The following BTBD9 variants were observed in gnomAD, a reference collection of about 807,000 sequenced individuals.
The protein encoded by BTBD9 is BTB domain containing 9.
In BTBD9, 49 loss-of-function variants were observed where a neutral mutation model predicts 64.3. The ratio of observed to expected loss-of-function variants is 0.76; its 90% CI spans 0.61 to 0.97. BTBD9 has a LOEUF of 0.97. Ranked by LOEUF, BTBD9 falls within the 50% of genes least tolerant of loss-of-function variation. The probability of loss-of-function intolerance (pLI) is 0.00; values close to 1 mark genes in which losing one functional copy is unlikely to be tolerated. For synonymous variants in BTBD9, 260 were observed against 274.7 expected (o/e 0.95, Z 0.53); for missense variants, 598 against 762.1 (o/e 0.78, Z 2.53).
intron 6 of BTBD9, among the ~76,000 whole-genome samples, chr6:38,493,429 G>T (rs537310778): frequency 6.6e-6 from 1 of 152,226 alleles, no homozygotes; most frequent in Admixed American, 6.5e-5. Context: ...GAATACTGAG[G>T]TTCTCCCTTT....
chr6:38,424,237 G>T (rs754950116), intron 6 of BTBD9, among the ~76,000 whole-genome samples: 9 of 151,846 alleles, frequency 5.9e-5, no homozygotes, highest in Non-Finnish European at 1.0e-4. Flanking sequence ...TTCCTTTAAA[G>T]AAACTTCAGG....
At chr6:38,380,084 A>G (rs1335775705) in intron 6 of BTBD9, among the ~76,000 whole-genome samples, 3 of 152,190 alleles carry the variant, frequency 2.0e-5, no homozygotes, top group Non-Finnish European at 4.4e-5. Flanking sequence ...GTTATATACT[A>G]TATGCTCTTT....
intron 1 of BTBD9, among the ~76,000 whole-genome samples, chr6:38,602,525 G>A (rs1337549607): frequency 1.3e-5 from 2 of 151,888 alleles, no homozygotes; most frequent in African/African-American, 2.4e-5. Flanking sequence ...AAGAATATAA[G>A]TCAAATTGTT....
chr6:38,607,287 T>C (rs1402231021), intron 1 of BTBD9, among the ~76,000 whole-genome samples: 5 of 152,070 alleles, frequency 3.3e-5, no homozygotes, highest in Admixed American at 3.3e-4. Context: ...TAATGAAAAA[T>C]TAAGAATAGA....
At chr6:38,561,873 C>A (rs183680724) in intron 6 of BTBD9, among the ~76,000 whole-genome samples, 2 of 151,996 alleles carry the variant, frequency 1.3e-5, no homozygotes, top group Admixed American at 6.6e-5. Flanking sequence ...TAAACCTCAG[C>A]GAAACACAAT....
At chr6:38,187,822 G>C (rs1310799004) in intron 10 of BTBD9, among the ~76,000 whole-genome samples, 2 of 152,194 alleles carry the variant, frequency 1.3e-5, no homozygotes, top group Non-Finnish European at 1.5e-5. Context: ...GCTCACAAAG[G>C]AAGATGAGAG....
intron 6 of BTBD9, among the ~76,000 whole-genome samples, chr6:38,408,681 T>A (rs563773134): frequency 6.6e-6 from 1 of 152,320 alleles, no homozygotes; most frequent in South Asian, 2.1e-4. Flanking sequence ...ACAGTTGCTG[T>A]GTAGAATCAA....
chr6:38,244,550 T>C lies in BTBD9; in HGVS notation c.1562+11859A>G, dbSNP rs113009632. 4.6e-3 allele frequency among the ~76,000 whole-genome samples: 702 copies of C among 152,302 alleles called. 3 individuals are homozygous for C. Among genetic ancestry groups the C allele is most frequent in the African/African-American group, 0.016 (671 of 41,564 alleles). ...CATTAACCAGACGAACTTGGGATTT[T>C]AAATCAAATCAATTTCTGAACTGAA... On this transcript the variant is annotated intron_variant, in intron 9 of 10. Coordinates refer to ENST00000481247, the MANE Select transcript of BTBD9 (RefSeq NM_001099272.2).
At chr6:38,636,147 T>C in intron 1 of BTBD9, among the ~76,000 whole-genome samples, 1 of 152,230 alleles carries the variant, frequency 6.6e-6, no homozygotes, top group Non-Finnish European at 1.5e-5. Flanking sequence ...AATTCTTTAA[T>C]TCAGATAAGA....
At chr6:38,592,867 C>T in intron 3 of BTBD9, 27 bp from the exon 4 acceptor site, 5 of 1,609,138 alleles carry the variant, frequency 3.1e-6, no homozygotes, top group Non-Finnish European at 4.2e-6. Context: ...GGTAAAATTC[C>T]AGTTATATGA....
intron 6 of BTBD9, among the ~76,000 whole-genome samples, chr6:38,543,813 C>T (rs1774401728): frequency 6.6e-6 from 1 of 151,918 alleles, no homozygotes; most frequent in Admixed American, 6.6e-5. Context: ...AAAAATTAGC[C>T]GGGCGTGTTG....
intron 1 of BTBD9, among the ~76,000 whole-genome samples, chr6:38,612,013 C>T (rs571194125): frequency 3.9e-5 from 6 of 152,236 alleles, no homozygotes; most frequent in East Asian, 1.9e-4. Flanking sequence ...ACCTTAACAA[C>T]GCTATTATCC....
At chr6:38,535,796 G>A (rs1773998915) in intron 6 of BTBD9, among the ~76,000 whole-genome samples, 1 of 152,044 alleles carries the variant, frequency 6.6e-6, no homozygotes, top group Non-Finnish European at 1.5e-5. Flanking sequence ...GGGAAAACTG[G>A]ATATCCATAT....
intron 6 of BTBD9, among the ~76,000 whole-genome samples, chr6:38,492,952 G>T (rs1256564826): frequency 6.6e-6 from 1 of 151,904 alleles, no homozygotes; most frequent in Non-Finnish European, 1.5e-5. Flanking sequence ...TCTAGAATTC[G>T]ATCTAAAAAT....
intron 6 of BTBD9, among the ~76,000 whole-genome samples, chr6:38,571,247 G>A (rs1582650936): frequency 6.6e-6 from 1 of 152,212 alleles, no homozygotes; most frequent in Non-Finnish European, 1.5e-5. Flanking sequence ...ACTGAATAAT[G>A]TAAGAGTGTC....
At chr6:38,556,727 A>G (rs1349808578) in intron 6 of BTBD9, among the ~76,000 whole-genome samples, 1 of 151,920 alleles carries the variant, frequency 6.6e-6, no homozygotes, top group Non-Finnish European at 1.5e-5. Flanking sequence ...GTGTTTAAAA[A>G]GACCTTCGGC....
At chr6:38,465,461 CAAAAAA>C (rs762391834) in intron 6 of BTBD9, among the ~76,000 whole-genome samples, 2 of 67,496 alleles carry the variant, frequency 3.0e-5, no homozygotes. Flanking sequence ...ACTAAAAATA[CAAAAAA>C]AAAAAAAAAA....
intron 6 of BTBD9, among the ~76,000 whole-genome samples, chr6:38,537,716 T>C (rs1011079068): frequency 1.1e-4 from 16 of 152,208 alleles, no homozygotes; most frequent in Admixed American, 4.6e-4. Context: ...TTGTCCTCCC[T>C]TCTTCTACAG....
intron 3 of BTBD9, 99 bp from the exon 4 acceptor site, chr6:38,592,939 A>G (rs1468064555): frequency 7.8e-7 from 1 of 1,277,458 alleles, no homozygotes; most frequent in African/African-American, 1.5e-5. Context: ...TTAGCCAATT[A>G]ACTCTTTTTG....
Sources: allele counts gnomAD v4.1 joint callset (sites outside exome capture counted in the v4.1 genomes callset), GRCh38; gene constraint gnomAD v4.1.1; transcripts MANE v1.5; gene names NCBI Gene and HGNC (gene_info 2026-07-23, HGNC 2026-07-21).